The following CFAP70 variants were observed in gnomAD, a reference collection of about 807,000 sequenced individuals.
The protein encoded by CFAP70 is cilia and flagella associated protein 70.
A neutral mutation model predicts 137.6 loss-of-function variants in CFAP70; 81 were observed. The observed-to-expected ratio is 0.59, with a 90% CI of 0.49 to 0.71. The LOEUF (loss-of-function observed/expected upper bound fraction) is 0.71. Among genes scored for constraint, CFAP70 ranks in the 30% least tolerant of loss-of-function variants. CFAP70 has a pLI of 0.00. For missense variants in CFAP70, 976 were observed against 1,226.7 expected, an observed-to-expected ratio of 0.80 and a Z score of 3.05; for synonymous variants, 382 against 423.6, an observed-to-expected ratio of 0.90 and a Z score of 1.20.
In CFAP70 at chr10:73,354,790, G is replaced by A. The variant is rs1359174365; in HGVS notation, c.7C>T (p.Gln3Ter). Residue 3 changes from glutamine to a stop codon, truncating the protein, a stop_gained, in exon 2 of 27, where the codon CAA (glutamine) becomes TAA (stop). Coordinates refer to ENST00000310715, the Ensembl canonical transcript of CFAP70. LOFTEE classifies it high-confidence loss of function. ...ACGAGTCTGCCTGCTGATGGCACTT[G>A]CTCCATATCACCAACTGGGAAAAGT... is the stretch of plus-strand genomic sequence containing the variant. 1 of 1,613,738 alleles carries A rather than the reference G, an allele frequency of 6.2e-7. No individual in the cohort carries two copies. Among genetic ancestry groups the A allele is most frequent in the African/African-American group, 1.3e-5 (1 of 74,884 alleles).
intron 8 of CFAP70, among the ~76,000 whole-genome samples, chr10:73,324,382 G>C (rs570313605): frequency 2.0e-5 from 3 of 152,258 alleles, no homozygotes; most frequent in South Asian, 4.1e-4. Context: ...CACAAAGATG[G>C]GGAAAAAACA....
intron 9 of CFAP70, among the ~76,000 whole-genome samples, chr10:73,316,050 AT>A (rs1223632097): frequency 6.6e-6 from 1 of 152,112 alleles, no homozygotes; most frequent in Non-Finnish European, 1.5e-5. Flanking sequence ...TGATGAATTG[AT>A]GCTTTAATCA....
chr10:73,262,235 C>A (rs1356151839), intron 25 of CFAP70, among the ~76,000 whole-genome samples: 1 of 151,746 alleles, frequency 6.6e-6, no homozygotes, highest in East Asian at 1.9e-4. Flanking sequence ...TTAAATTGCA[C>A]ACTGCTATTA....
rs547474325 is a variant in CFAP70 at position 73,258,969 on chromosome 10, C to T, written c.3028-2553G>A. Among the ~76,000 whole-genome samples, 71 of 152,296 alleles carry T rather than the reference C, an allele frequency of 4.7e-4. 1 individual carries two copies. Among genetic ancestry groups the T allele is most frequent in the Admixed American group, 3.8e-3 (58 of 15,300 alleles). On this transcript the variant is annotated intron_variant, in intron 25 of 26. Coordinates refer to ENST00000310715, the Ensembl canonical transcript of CFAP70. Reference sequence around the variant, plus strand: ...GAAACTTCATCAGCAATTCTAATTTCGCCCTCGTCCTGTGATCTCGCTCTG... The same window carrying T: ...GAAACTTCATCAGCAATTCTAATTTTGCCCTCGTCCTGTGATCTCGCTCTG...
chr10:73,291,079 A>T (rs368747507), intron 19 of CFAP70, 147 bp downstream of exon 20: 4 of 661,148 alleles, frequency 6.1e-6, no homozygotes, highest in South Asian at 3.7e-5. Context: ...CAGTGGCATG[A>T]TCACAGCTCA....
chr10:73,333,316 A>G (rs2052317591), intron 7 of CFAP70, among the ~76,000 whole-genome samples: 1 of 152,158 alleles, frequency 6.6e-6, no homozygotes, highest in Non-Finnish European at 1.5e-5. Context: ...ATAACAGAAG[A>G]AGAAAGAAAA....
At chr10:73,291,537 C>A in intron 18 of CFAP70, 93 bp from the exon 20 acceptor site, 1 of 1,506,176 alleles carries the variant, frequency 6.6e-7, no homozygotes, top group Non-Finnish European at 9.1e-7. Context: ...CATATTTTAC[C>A]AAAGTTTAAG....
In CFAP70 at chr10:73,278,085, A is replaced by T; in HGVS notation, c.2398+94T>A. ...TTTCAGAGCCTGGTTATCAACTTCA[A>T]ACAAGTCAGGATTGCCATTTCATCA... On this transcript the variant is annotated intron_variant, in intron 20 of 26. Transcript: ENST00000310715. The T allele has an allele frequency of 2.3e-6, 3 of 1,304,672 alleles. No homozygotes were observed. In the Admixed American group the frequency reaches 6.3e-5, roughly 28 times the overall value. 80.8% of individuals were successfully genotyped at this position (1,304,672 alleles called of 1,614,324 possible).
exon 10 of CFAP70, chr10:73,312,586 T>C: frequency 6.2e-7 from 1 of 1,611,484 alleles, no homozygotes; most frequent in Non-Finnish European, 8.5e-7. Flanking sequence ...CCTCCTATTT[T>C]ATTATTATGA....
At chr10:73,287,090 T>C (rs1057463550) in intron 19 of CFAP70, among the ~76,000 whole-genome samples, 1 of 152,210 alleles carries the variant, frequency 6.6e-6, no homozygotes, top group Non-Finnish European at 1.5e-5. Context: ...AGATTGTGTT[T>C]ATGGCTAGTT....
exon 27 of CFAP70, chr10:73,253,847 A>C: frequency 7.8e-6 from 5 of 643,988 alleles, no homozygotes; most frequent in Non-Finnish European, 1.3e-5. Context: ...CAATGGAAAT[A>C]AATGAATGGG....
At position 73,274,507 on chromosome 10, in the gene CFAP70, T is replaced by A. The variant is rs747786328; in HGVS notation, c.2761A>T (p.Ser921Cys). The change falls in exon 23 of 27, where the codon AGC becomes TGC. Residue 921 changes from serine (S) to cysteine (C), a missense_variant. Physicochemically the swap from Ser to Cys is moderately radical, Grantham distance 112. Coordinates refer to ENST00000310715, the Ensembl canonical transcript of CFAP70. ...ATCTCAGAAGCATCCACTACAAAGC[T>A]AATGGTTCGTTCATAGCATGCCTTG... 1.8e-5 allele frequency: 29 copies of A among 1,614,054 alleles called. No homozygotes were observed. In the African/African-American group the frequency reaches 2.7e-4, roughly 15 times the overall value.
At chr10:73,287,930 C>T (rs2047870647) in intron 19 of CFAP70, among the ~76,000 whole-genome samples, 1 of 151,944 alleles carries the variant, frequency 6.6e-6, no homozygotes, top group East Asian at 1.9e-4. Context: ...TGGAGTCTGG[C>T]TCTGTCACCC....
chr10:73,344,843 A>C (rs1010716865), intron 5 of CFAP70, among the ~76,000 whole-genome samples: 7 of 151,964 alleles, frequency 4.6e-5, no homozygotes, highest in Admixed American at 2.0e-4. Context: ...TTTCCACCAT[A>C]TATTTATATA....
At chr10:73,300,191 A>G (rs2048845968) in intron 12 of CFAP70, among the ~76,000 whole-genome samples, 1 of 152,202 alleles carries the variant, frequency 6.6e-6, no homozygotes. Flanking sequence ...AAATGTGAGT[A>G]AAAAACCACA....
intron 12 of CFAP70, among the ~76,000 whole-genome samples, chr10:73,300,814 C>G (rs567093791): frequency 6.6e-6 from 1 of 152,198 alleles, no homozygotes; most frequent in Admixed American, 6.5e-5. Context: ...GAGCTGAGAT[C>G]GCACCACTGC....
At chr10:73,329,408 T>G (rs2051837139) in intron 8 of CFAP70, among the ~76,000 whole-genome samples, 2 of 152,028 alleles carry the variant, frequency 1.3e-5, no homozygotes, top group Admixed American at 1.3e-4. Context: ...AGTTAATGGG[T>G]GCAGCACACC....
chr10:73,356,028 A>G (rs189322928), intron 1 of CFAP70, among the ~76,000 whole-genome samples: 1 of 152,262 alleles, frequency 6.6e-6, no homozygotes, highest in South Asian at 2.1e-4. Flanking sequence ...TTACAAAAAT[A>G]TATTTTGAGA....
intron 25 of CFAP70, among the ~76,000 whole-genome samples, chr10:73,266,392 A>G (rs1429034620): frequency 6.6e-6 from 1 of 151,982 alleles, no homozygotes; most frequent in Non-Finnish European, 1.5e-5. Context: ...TTTATTACAT[A>G]TTTCAGTTTG....
Sources: gnomAD v4.1 joint callset for allele counts (sites outside exome capture counted in the v4.1 genomes callset) on GRCh38, gnomAD v4.1.1 for gene constraint, MANE v1.5 for transcripts, NCBI Gene and HGNC (gene_info 2026-07-23, HGNC 2026-07-21) for gene names.